Variants in TSPAN9 observed in about 807,000 individuals in gnomAD.
The protein encoded by TSPAN9 is tetraspanin-9.
In TSPAN9, 16 loss-of-function variants were observed where a neutral mutation model predicts 31.0. The observed-to-expected ratio is 0.52, with a 90% CI of 0.35 to 0.78. The LOEUF is 0.78. TSPAN9 is among the 30% of genes least tolerant of loss of function. TSPAN9 has a pLI of 0.01. For missense variants in TSPAN9, 272 were observed against 312.5 expected (o/e 0.87, Z 0.98); for synonymous variants, 145 against 121.6 (o/e 1.19, Z -1.27).
At position 3,172,375 on chromosome 12, in the gene TSPAN9, G is replaced by A. The variant is rs1368348947; in HGVS notation, c.-17-28802G>A. 2 of 152,322 alleles carry A rather than the reference G, an allele frequency of 1.3e-5. No individual in the cohort carries two copies. The highest frequency in any genetic ancestry group is 4.8e-5 in the African/African-American group (2 of 41,468). The allele number at this position is 152,322 out of a possible 1,614,324, so 9.4% of individuals were successfully genotyped here. ...GAGCCGGCATGGTCAGGGTCATGCT[G>A]TTTTCAGTTGTGGACGAGTGCTTAG... On this transcript the variant is annotated intron_variant, in intron 2 of 8. Coordinates refer to ENST00000011898, the MANE Select transcript of TSPAN9 (RefSeq NM_006675.5). This position sits in a 1 kb window ranked among gnomAD's most constrained non-coding sequence, Gnocchi z 4.8.
Position 3,285,504 on chromosome 12 carries a change from TACTC to T in TSPAN9, c.*2393_*2396del, listed in dbSNP as rs1862998089. On this transcript the variant is annotated 3_prime_UTR_variant, in exon 9 of 9. Transcript: ENST00000011898. The stretch of plus-strand genomic sequence containing the variant: ...CTACAGGTCCCCACGCTGCCTTCTT[TACTC>T]ACTCTGCGCTTGGCCGTTTTGTTAT... The T allele has an allele frequency of 6.6e-6, 1 of 152,244 alleles. No homozygotes were observed. The highest frequency in any genetic ancestry group is 2.4e-5 in the African/African-American group (1 of 41,444). 9.4% of individuals were successfully genotyped at this position (152,244 alleles called of 1,614,324 possible).
intron 2 of TSPAN9, chr12:3,151,450 G>A (rs1048153443): frequency 2.6e-5 from 4 of 152,222 alleles, no homozygotes; most frequent in African/African-American, 4.8e-5. Flanking sequence ...GGTGGGGATT[G>A]CTTACAGGAG....
intron 2 of TSPAN9, chr12:3,149,743 C>G (rs756668477): frequency 3.3e-5 from 5 of 152,206 alleles, no homozygotes; most frequent in African/African-American, 4.8e-5. Flanking sequence ...TTAGAGACAT[C>G]TGGGGAGCTT....
At chr12:3,173,436 C>T (rs2098353254) in intron 2 of TSPAN9, 1 of 152,312 alleles carries the variant, frequency 6.6e-6, no homozygotes, top group South Asian at 2.1e-4. Context: ...CCATGGGACA[C>T]CTCCTCATCT....
intron 3 of TSPAN9, among the ~76,000 whole-genome samples, chr12:3,202,490 A>C (rs1319509687): frequency 6.6e-6 from 1 of 152,192 alleles, no homozygotes; most frequent in Non-Finnish European, 1.5e-5. Context: ...CAGGAAGAAG[A>C]CTGGGCTCTA....
intron 3 of TSPAN9, among the ~76,000 whole-genome samples, chr12:3,214,809 G>C (rs533837873): frequency 2.0e-5 from 3 of 152,084 alleles, no homozygotes; most frequent in African/African-American, 7.2e-5. Flanking sequence ...CCTTCCTATT[G>C]TTAGAAGCCT....
At chr12:3,095,623 G>A (rs1363984004) in intron 2 of TSPAN9, among the ~76,000 whole-genome samples, 13 of 114,104 alleles carry the variant, frequency 1.1e-4, no homozygotes, top group African/African-American at 4.4e-4. Context: ...CTGGCCGGGC[G>A]GAGGGCTGAC....
intron 2 of TSPAN9, among the ~76,000 whole-genome samples, chr12:3,096,728 C>T (rs1215913727): frequency 6.6e-6 from 1 of 151,470 alleles, no homozygotes; most frequent in Non-Finnish European, 1.5e-5. Flanking sequence ...GACGGAATCT[C>T]GCTCTGTCGC....
chr12:3,104,354 A>C (rs1463323323), intron 2 of TSPAN9, among the ~76,000 whole-genome samples: 1 of 149,750 alleles, frequency 6.7e-6, no homozygotes, highest in Non-Finnish European at 1.5e-5. Flanking sequence ...TTTTTTTTTA[A>C]TTGTTGTTGT....
intron 2 of TSPAN9, among the ~76,000 whole-genome samples, chr12:3,114,083 A>T (rs994620983): frequency 6.6e-6 from 1 of 152,214 alleles, no homozygotes; most frequent in African/African-American, 2.4e-5. Flanking sequence ...TCTGACATCT[A>T]GCTCTGTGAT....
intron 3 of TSPAN9, among the ~76,000 whole-genome samples, chr12:3,247,317 C>A (rs1302038310): frequency 7.9e-6 from 1 of 126,396 alleles, no homozygotes; most frequent in African/African-American, 2.9e-5. Flanking sequence ...CCCCCCGCCA[C>A]CCGCGTCCCC....
chr12:3,077,423 A>G lies in TSPAN9; in HGVS notation c.-115A>G, dbSNP rs1390494613. The G allele has an allele frequency of 6.7e-6, 1 of 150,268 alleles. No individual in the cohort carries two copies. Among genetic ancestry groups the G allele is most frequent in the Non-Finnish European group, 1.5e-5 (1 of 67,768 alleles). The allele number at this position is 150,268 out of a possible 1,614,324, so 9.3% of individuals were successfully genotyped here. A position where few individuals can be genotyped will look rare whatever the true frequency, so the allele number is the denominator to read the frequency against. ...GCGGCGGCGGTGCCGGAGCGCGAGC[A>G]GAGCGGAGACCCCCAGGTCCTGCGG... On this transcript the variant is annotated 5_prime_UTR_variant, in exon 1 of 9. Transcript: ENST00000011898.
rs113239599 is a variant in TSPAN9, at chr12:3,187,271, G to T, written c.-17-13906G>T. Among the ~76,000 whole-genome samples, 80 of 152,294 alleles carry T rather than the reference G, an allele frequency of 5.3e-4. No homozygotes were observed. The highest frequency in any genetic ancestry group is 1.9e-3 in the African/African-American group (77 of 41,556). On this transcript the variant is annotated intron_variant, in intron 2 of 8. Transcript: ENST00000011898. The surrounding 1 kb of genome is among the most constrained non-coding windows in gnomAD (Gnocchi z 5.2). Reference sequence around the variant, plus strand: ...GGCAGTGGTGTGTTTTCCAGGATTGGCAGGGCTTGTCCTTTGGTGTTGTGA... The same window carrying T: ...GGCAGTGGTGTGTTTTCCAGGATTGTCAGGGCTTGTCCTTTGGTGTTGTGA...
intron 2 of TSPAN9, among the ~76,000 whole-genome samples, chr12:3,101,969 G>T (rs2098312033): frequency 1.3e-5 from 2 of 152,250 alleles, no homozygotes; most frequent in East Asian, 3.9e-4. Context: ...TTCCCCTAGG[G>T]TCTTTCTTTT....
intron 3 of TSPAN9, among the ~76,000 whole-genome samples, chr12:3,261,302 A>G (rs766942856): frequency 6.2e-4 from 95 of 152,224 alleles, no homozygotes; most frequent in Non-Finnish European, 2.6e-4. Flanking sequence ...AATATTCACA[A>G]CAGCTTAATA....
Position 3,192,642 on chromosome 12 carries a change from T to G in TSPAN9, c.-17-8535T>G, listed in dbSNP as rs544507680. On this transcript the variant is annotated intron_variant, in intron 2 of 8. Transcript: ENST00000011898. This position sits in a 1 kb window ranked among gnomAD's most constrained non-coding sequence, Gnocchi z 4.6. ...CAGCCAGGGGGATGACAAGCAGGAG[T>G]TGGGGACCTGTGCTTGGGGCTCAGG... is the stretch of plus-strand genomic sequence containing the variant. Among the ~76,000 whole-genome samples, 1 of 151,694 alleles carries G rather than the reference T, an allele frequency of 6.6e-6. No homozygotes were observed. Among genetic ancestry groups the G allele is most frequent in the East Asian group, 2.0e-4 (1 of 5,120 alleles).
At chr12:3,118,379 C>T (rs11062511) in intron 2 of TSPAN9, among the ~76,000 whole-genome samples, 16 of 149,466 alleles carry the variant, frequency 1.1e-4, no homozygotes, top group African/African-American at 4.0e-4. Flanking sequence ...CTCCTGCCTC[C>T]GCCTCCCGAG....
At chr12:3,208,226 C>T (rs1456061603) in intron 3 of TSPAN9, among the ~76,000 whole-genome samples, 1 of 152,182 alleles carries the variant, frequency 6.6e-6, no homozygotes, top group Non-Finnish European at 1.5e-5. Flanking sequence ...CGGTTGGAGC[C>T]CTGGGAGGAT....
chr12:3,225,670 GCC>G (rs536499233), intron 3 of TSPAN9, among the ~76,000 whole-genome samples: 7 of 152,054 alleles, frequency 4.6e-5, no homozygotes, highest in Admixed American at 4.6e-4. Flanking sequence ...TGGGCAGACG[GCC>G]CCCCGCCCTC....
Sources: allele counts gnomAD v4.1 joint callset (sites outside exome capture counted in the v4.1 genomes callset), GRCh38; gene constraint gnomAD v4.1.1; non-coding constraint Gnocchi (gnomAD v3.1); transcripts MANE v1.5; gene names NCBI Gene and HGNC (gene_info 2026-07-23, HGNC 2026-07-21).